The following NFATC1 variants were observed in gnomAD, a reference collection of about 807,000 sequenced individuals.
The protein encoded by NFATC1 is nuclear factor of activated T cells 1.
Under a neutral mutation model 76.0 loss-of-function variants are expected in NFATC1, and 22 were observed. That is an observed-to-expected ratio of 0.29 (90% CI 0.21 to 0.41). NFATC1 has a LOEUF of 0.41. Among genes scored for constraint, NFATC1 ranks in the 10% least tolerant of loss-of-function variants. The pLI, the probability that NFATC1 is intolerant of heterozygous loss-of-function variation, is 1.00. For missense variants in NFATC1, 1,357 were observed against 1,337.7 expected (o/e 1.01, Z -0.23); for synonymous variants, 704 against 613.1 (o/e 1.15, Z -2.19).
chr18:79,512,767 C>T (rs1487076256), intron 9 of NFATC1, among the ~76,000 whole-genome samples: 2 of 152,246 alleles, frequency 1.3e-5, no homozygotes, highest in Non-Finnish European at 2.9e-5. Flanking sequence ...AGCCACGTCT[C>T]ATCCCACTCG....
At chr18:79,483,323 G>C (rs1286435167) in intron 8 of NFATC1, among the ~76,000 whole-genome samples, 1 of 133,996 alleles carries the variant, frequency 7.5e-6, no homozygotes, top group Admixed American at 7.6e-5. Flanking sequence ...CCTGGTTCCT[G>C]GGGTGTCATT....
intron 2 of NFATC1, among the ~76,000 whole-genome samples, chr18:79,432,369 G>A (rs145896720): frequency 1.1e-4 from 17 of 151,990 alleles, no homozygotes; most frequent in African/African-American, 3.9e-4. Context: ...CTGCCCACAC[G>A]GAGGTGAGGA....
chr18:79,416,585 C>G (rs2085883581), intron 2 of NFATC1, among the ~76,000 whole-genome samples: 3 of 152,232 alleles, frequency 2.0e-5, no homozygotes, highest in Admixed American at 2.0e-4. Flanking sequence ...TGGGGTCTTC[C>G]CCGAGCTTCC....
At chr18:79,424,191 C>T (rs966929005) in intron 2 of NFATC1, among the ~76,000 whole-genome samples, 2 of 152,250 alleles carry the variant, frequency 1.3e-5, no homozygotes, top group African/African-American at 2.4e-5. Flanking sequence ...TCGGGGGTGA[C>T]GCACAGATGC....
At chr18:79,401,703 A>G (rs2085264068) in intron 1 of NFATC1, among the ~76,000 whole-genome samples, 1 of 152,224 alleles carries the variant, frequency 6.6e-6, no homozygotes, top group Admixed American at 6.5e-5. Context: ...AGTCGGTCCC[A>G]TGAGAGTGTG....
chr18:79,527,293 G>C (rs2090793507), intron 9 of NFATC1: 6 of 503,692 alleles, frequency 1.2e-5, no homozygotes, highest in Non-Finnish European at 2.1e-5. Flanking sequence ...AGACGTGCTG[G>C]TACCGTGCTA....
chr18:79,438,766 C>T (rs986606955), intron 3 of NFATC1, among the ~76,000 whole-genome samples: 2 of 152,108 alleles, frequency 1.3e-5, no homozygotes, highest in African/African-American at 4.8e-5. Context: ...GCCAGACTGG[C>T]CCCAGGGAGG....
intron 9 of NFATC1, chr18:79,496,752 G>A (rs530078034): frequency 5.9e-5 from 9 of 152,376 alleles, no homozygotes; most frequent in East Asian, 3.9e-4. Flanking sequence ...TCCTAGGCTC[G>A]TCCTGGACGT....
chr18:79,522,376 G>GC (rs2090630250), intron 9 of NFATC1, among the ~76,000 whole-genome samples: 1 of 53,756 alleles, frequency 1.9e-5, no homozygotes, highest in African/African-American at 8.8e-5. Flanking sequence ...CTCTGTGTGT[G>GC]TGGGGGGGGG....
In NFATC1 at chr18:79,528,047, G is replaced by C; in HGVS notation, c.*470G>C. The C allele has an allele frequency of 2.5e-6, 1 of 406,178 alleles. No individual in the cohort carries two copies. The highest frequency in any genetic ancestry group is 4.3e-6 in the Non-Finnish European group (1 of 230,422). 25.2% of individuals were successfully genotyped at this position (406,178 alleles called of 1,614,324 possible). On this transcript the variant is annotated 3_prime_UTR_variant, in exon 10 of 10. Coordinates refer to ENST00000427363, the MANE Select transcript of NFATC1 (RefSeq NM_001278669.2). ...ATTTCATTGTGAGGTTTTACCCTCT[G>C]TATGAATGAAGAGAACGCTGGAAGG... is the stretch of plus-strand genomic sequence containing the variant.
At chr18:79,399,011 G>A (rs1204511741) in intron 1 of NFATC1, among the ~76,000 whole-genome samples, 1 of 152,232 alleles carries the variant, frequency 6.6e-6, no homozygotes, top group Non-Finnish European at 1.5e-5. Flanking sequence ...AGGTTGCAGT[G>A]AGCAGAGATT....
intron 2 of NFATC1, chr18:79,422,016 T>C (rs1214975826): frequency 6.6e-6 from 1 of 152,214 alleles, no homozygotes; most frequent in Non-Finnish European, 1.5e-5. Flanking sequence ...CTTTAGGTGA[T>C]TTGAGAAACC....
At chr18:79,519,001 C>T (rs2090450466) in intron 9 of NFATC1, among the ~76,000 whole-genome samples, 1 of 152,224 alleles carries the variant, frequency 6.6e-6, no homozygotes. Flanking sequence ...GATTAGCCCC[C>T]AGGATGTGTC....
intron 2 of NFATC1, among the ~76,000 whole-genome samples, chr18:79,428,430 T>C (rs2086474412): frequency 6.6e-6 from 1 of 152,210 alleles, no homozygotes; most frequent in Non-Finnish European, 1.5e-5. Flanking sequence ...CCGGACCCAT[T>C]GGCAGTGGCC....
In NFATC1 at chr18:79,524,788, C is replaced by G. The variant is rs1170065864; in HGVS notation, c.2783-2740C>G. On this transcript the variant is annotated intron_variant, in intron 9 of 9. Transcript: ENST00000427363. This position sits in a 1 kb window ranked among gnomAD's most constrained non-coding sequence, Gnocchi z 7.2. ...TTCCGCCCCCCGACGGGCTCTCCCA[C>G]CGAGGCTCAGGTGCTCGTGGGCAGC... 6.6e-6 allele frequency among the ~76,000 whole-genome samples: 1 copy of G among 152,070 alleles called. No homozygotes were observed. The highest frequency in any genetic ancestry group is 1.5e-5 in the Non-Finnish European group (1 of 67,968).
rs780915769 is a variant in NFATC1, at chr18:79,411,403, C to A, written c.1128C>A (p.His376Gln). 1.3e-6 allele frequency: 2 copies of A among 1,566,408 alleles called. No homozygotes were observed. The highest frequency in any genetic ancestry group is 2.7e-5 in the African/African-American group (2 of 73,292). Reference protein sequence around the residue: ...FAPEDYSSFQHIRKGGFCDQY... With the variant: ...FAPEDYSSFQQIRKGGFCDQY... The stretch of plus-strand genomic sequence containing the variant: ...CCGAAGACTACTCCTCTTTCCAGCA[C>A]ATCAGGAAGGGCGGCTTCTGCGACC... Residue 376 changes from histidine to glutamine, a missense_variant, in exon 2 of 10, where the codon CAC becomes CAA. Around this residue, in one of 3 missense-constraint regions of NFATC1, gnomAD observed 691 missense variants for 613.1 expected, o/e 1.13. Coordinates refer to ENST00000427363, the MANE Select transcript of NFATC1 (RefSeq NM_001278669.2).
intron 1 of NFATC1, 145 bp downstream of exon 1, chr18:79,396,496 C>T (rs1473953483): frequency 7.6e-6 from 3 of 392,368 alleles, no homozygotes; most frequent in Non-Finnish European, 1.1e-5. Flanking sequence ...GGGAGGGGCG[C>T]GGCGCGGACC....
At chr18:79,454,526 G>A (rs915221505) in intron 6 of NFATC1, among the ~76,000 whole-genome samples, 9 of 152,298 alleles carry the variant, frequency 5.9e-5, no homozygotes, top group Non-Finnish European at 1.2e-4. Context: ...GCCGTAGCCT[G>A]GGTGCCGGGT....
At chr18:79,459,389 G>C (rs4799057) in intron 6 of NFATC1, among the ~76,000 whole-genome samples, 43,690 of 152,214 alleles carry the variant, frequency 0.29, 7,676 homozygotes, top group South Asian at 0.47. Flanking sequence ...AGGAGGCCGC[G>C]GGGGAGACGG....
Sources: allele counts gnomAD v4.1 joint callset (sites outside exome capture counted in the v4.1 genomes callset), GRCh38; gene constraint gnomAD v4.1.1; regional missense constraint gnomAD v4.1.1; non-coding constraint Gnocchi (gnomAD v3.1); transcripts MANE v1.5; gene names NCBI Gene and HGNC (gene_info 2026-07-23, HGNC 2026-07-21).